Variants in IPO11 observed in about 807,000 individuals in gnomAD.
IPO11 encodes importin 11.
A neutral mutation model predicts 143.2 loss-of-function variants in IPO11; 66 were observed. The ratio of observed to expected loss-of-function variants is 0.46; its 90% CI spans 0.38 to 0.57. IPO11 has a LOEUF of 0.57. IPO11 is among the 20% of genes least tolerant of loss of function. The pLI, the probability that IPO11 is intolerant of heterozygous loss-of-function variation, is 0.00. For missense variants in IPO11, 1,026 were observed against 1,141.0 expected, an observed-to-expected ratio of 0.90 and a Z score of 1.45; for synonymous variants, 385 against 377.8, an observed-to-expected ratio of 1.02 and a Z score of -0.22.
chr5:62,596,965 T>C (rs181882767), intron 28 of IPO11, among the ~76,000 whole-genome samples: 7 of 152,298 alleles, frequency 4.6e-5, no homozygotes, highest in African/African-American at 1.7e-4. Flanking sequence ...TTATCCTCCT[T>C]CGCAAATATC....
At chr5:62,518,517 G>A (rs1390538320) in intron 20 of IPO11, among the ~76,000 whole-genome samples, 1 of 151,972 alleles carries the variant, frequency 6.6e-6, no homozygotes, top group East Asian at 1.9e-4. Context: ...GGGAGGGTGA[G>A]GTGTGAGAAT....
chr5:62,551,116 A>G (rs1743376075), intron 25 of IPO11, 107 bp from the exon 26 acceptor site: 2 of 608,010 alleles, frequency 3.3e-6, no homozygotes, highest in Non-Finnish European at 5.9e-6. Flanking sequence ...GAGAAGTAAC[A>G]TGGAGGAGAA....
At chr5:62,587,031 A>G (rs909268428) in intron 27 of IPO11, among the ~76,000 whole-genome samples, 1 of 149,578 alleles carries the variant, frequency 6.7e-6, no homozygotes, top group Non-Finnish European at 1.5e-5. Context: ...TCTCCTTTTC[A>G]TGGAAGCTTA....
At chr5:62,476,520 G>A (rs1745962234) in intron 8 of IPO11, among the ~76,000 whole-genome samples, 163 bp from the exon 9 acceptor site, 1 of 152,132 alleles carries the variant, frequency 6.6e-6, no homozygotes, top group South Asian at 2.1e-4. Flanking sequence ...GAGGGCTACT[G>A]TGTCTGTTAC....
intron 29 of IPO11, among the ~76,000 whole-genome samples, chr5:62,623,851 G>A (rs1251061384): frequency 6.6e-6 from 1 of 151,866 alleles, no homozygotes; most frequent in African/African-American, 2.4e-5. Context: ...TCAAACTCCT[G>A]ACCTCAGGTT....
At chr5:62,426,481 G>A (rs1245772587) in intron 1 of IPO11, among the ~76,000 whole-genome samples, 1 of 152,184 alleles carries the variant, frequency 6.6e-6, no homozygotes, top group Non-Finnish European at 1.5e-5. Context: ...TGAGAGTGCA[G>A]TTATTGACTA....
intron 29 of IPO11, among the ~76,000 whole-genome samples, chr5:62,605,178 G>T (rs1745659498): frequency 6.6e-6 from 1 of 152,182 alleles, no homozygotes; most frequent in Non-Finnish European, 1.5e-5. Context: ...ATGAAAATTT[G>T]ATTCGCTTAC....
At chr5:62,432,863 T>G (rs746429661) in intron 1 of IPO11, among the ~76,000 whole-genome samples, 1 of 152,210 alleles carries the variant, frequency 6.6e-6, no homozygotes, top group Non-Finnish European at 1.5e-5. Flanking sequence ...AAGGTCAAGT[T>G]GTGTTGTTGT....
chr5:62,441,496 C>CTTTTTTTT (rs995019567), intron 2 of IPO11, among the ~76,000 whole-genome samples: 9 of 47,378 alleles, frequency 1.9e-4, no homozygotes, highest in African/African-American at 3.6e-4. Context: ...TGTGCCTGGC[C>CTTTTTTTT]TTTTTTTTTT....
chr5:62,529,607 A>T (rs1225968966), intron 21 of IPO11, among the ~76,000 whole-genome samples: 2 of 152,132 alleles, frequency 1.3e-5, no homozygotes, highest in African/African-American at 2.4e-5. Context: ...GATTTTTGTG[A>T]TATATAACAA....
intron 3 of IPO11, among the ~76,000 whole-genome samples, chr5:62,448,718 T>C (rs941739861): frequency 3.9e-5 from 6 of 152,104 alleles, no homozygotes; most frequent in Non-Finnish European, 7.4e-5. Context: ...GTTCTGCTAA[T>C]GTTTTTTAGT....
chr5:62,555,796 C>T (rs1301819029), intron 26 of IPO11, among the ~76,000 whole-genome samples: 2 of 152,136 alleles, frequency 1.3e-5, no homozygotes, highest in Admixed American at 6.5e-5. Flanking sequence ...AGCTACTGCG[C>T]CTGGCCCCAC....
At chr5:62,512,896 TG>T (rs1245855124) in intron 19 of IPO11, among the ~76,000 whole-genome samples, 3 of 140,164 alleles carry the variant, frequency 2.1e-5, no homozygotes, top group Non-Finnish European at 3.1e-5. Context: ...AGCACAGGGT[TG>T]GGGGTAAGGT....
chr5:62,626,463 A>G (rs780913760), intron 29 of IPO11, among the ~76,000 whole-genome samples: 3 of 152,210 alleles, frequency 2.0e-5, no homozygotes, highest in African/African-American at 4.8e-5. Context: ...GCAGGATTCA[A>G]TCGGGTATAT....
chr5:62,574,940 A>G (rs758140858), intron 27 of IPO11, among the ~76,000 whole-genome samples: 13 of 152,242 alleles, frequency 8.5e-5, no homozygotes, highest in Non-Finnish European at 1.8e-4. Flanking sequence ...CTTCTCATGC[A>G]TAAAGTGCAT....
intron 5 of IPO11, among the ~76,000 whole-genome samples, chr5:62,458,036 A>C (rs1253603228): frequency 6.6e-6 from 1 of 150,908 alleles, no homozygotes; most frequent in Non-Finnish European, 1.5e-5. Context: ...AGTCCCAGCT[A>C]CTCGGGAGGC....
intron 1 of IPO11, among the ~76,000 whole-genome samples, chr5:62,417,383 G>T (rs571581379): frequency 8.0e-6 from 1 of 124,484 alleles, no homozygotes; most frequent in African/African-American, 3.1e-5. Flanking sequence ...AGCAGTCACT[G>T]AATTTGATGT....
rs769369466 is a variant in IPO11 at position 62,551,355 on chromosome 5, A to C, written c.2460+19A>C. 2.5e-6 allele frequency: 3 copies of C among 1,204,376 alleles called. No homozygotes were observed. The highest frequency in any genetic ancestry group is 1.2e-6 in the Non-Finnish European group (1 of 815,452). The allele number at this position is 1,204,376 out of a possible 1,614,324, so 74.6% of individuals were successfully genotyped here. On this transcript the variant is annotated intron_variant, in intron 26 of 29. Coordinates refer to ENST00000325324, the MANE Select transcript of IPO11 (RefSeq NM_016338.5). ...TCAGGAGGTAAGAATCAATATACTT[A>C]AATTTAAGGAAGTCTTTATCTAAAT...
chr5:62,551,193 T>C (rs1217020694), intron 25 of IPO11, 30 bp from the exon 26 acceptor site: 1 of 1,225,562 alleles, frequency 8.2e-7, no homozygotes, highest in Non-Finnish European at 1.2e-6. Flanking sequence ...CATAACACAA[T>C]TTTACATGTG....
Sources: gnomAD v4.1 joint callset for allele counts (sites outside exome capture counted in the v4.1 genomes callset) on GRCh38, gnomAD v4.1.1 for gene constraint, MANE v1.5 for transcripts, NCBI Gene and HGNC (gene_info 2026-07-23, HGNC 2026-07-21) for gene names.